The following UTP20 variants were observed in gnomAD, a reference collection of about 807,000 sequenced individuals.
UTP20 encodes the protein UTP20 small subunit processome component.
UTP20 carries 164 observed loss-of-function variants against 329.5 expected under a neutral mutation model. The observed-to-expected ratio is 0.50, with a 90% CI of 0.44 to 0.57. UTP20 has a LOEUF of 0.57. UTP20 is among the 20% of genes least tolerant of loss of function. UTP20 has a pLI of 0.00. For synonymous variants in UTP20, 1,151 were observed against 1,159.3 expected, an observed-to-expected ratio of 0.99 and a Z score of 0.14; for missense variants, 3,055 against 3,284.2, an observed-to-expected ratio of 0.93 and a Z score of 1.71.
chr12:101,307,350 C>T (rs11110744), intron 17 of UTP20, among the ~76,000 whole-genome samples: 19,381 of 150,832 alleles, frequency 0.13, 2,743 homozygotes, highest in East Asian at 0.47. Flanking sequence ...GGGGTTTTTC[C>T]ATATGATTAC....
intron 6 of UTP20, among the ~76,000 whole-genome samples, chr12:101,289,750 A>G (rs1033350301): frequency 2.0e-5 from 3 of 152,222 alleles, no homozygotes; most frequent in African/African-American, 7.2e-5. Context: ...TTGTGTTTGT[A>G]TAAAATATTC....
At chr12:101,285,715 TAGAAA>T in intron 3 of UTP20, 29 bp from the exon 4 acceptor site, 1 of 1,613,186 alleles carries the variant, frequency 6.2e-7, no homozygotes, top group Admixed American at 1.7e-5. Context: ...AGTGGTGTGA[TAGAAA>T]AGAACATATT....
intron 43 of UTP20, among the ~76,000 whole-genome samples, chr12:101,359,417 G>C (rs1356586526): frequency 6.6e-6 from 1 of 151,312 alleles, no homozygotes; most frequent in Non-Finnish European, 1.5e-5. Context: ...TCCTCTCCTG[G>C]GACTCCAGTG....
chr12:101,307,015 C>T (rs1200788138), intron 17 of UTP20, among the ~76,000 whole-genome samples: 2 of 151,554 alleles, frequency 1.3e-5, no homozygotes, highest in Admixed American at 1.3e-4. Context: ...CTACCAAAAA[C>T]ACAAAAAAAG....
chr12:101,315,105 A>C (rs548821067), intron 21 of UTP20, among the ~76,000 whole-genome samples: 64 of 152,108 alleles, frequency 4.2e-4, no homozygotes, highest in African/African-American at 1.4e-3. Flanking sequence ...CTCTGCTCCC[A>C]AAAAAAGACT....
intron 2 of UTP20, among the ~76,000 whole-genome samples, chr12:101,281,418 G>A (rs181697510): frequency 1.4e-4 from 21 of 152,284 alleles, no homozygotes; most frequent in Admixed American, 1.0e-3. Flanking sequence ...AATAAATATA[G>A]AATTGGAACA....
intron 29 of UTP20, 81 bp from the exon 30 acceptor site, chr12:101,337,970 A>T (rs1868985220): frequency 1.6e-6 from 2 of 1,253,562 alleles, no homozygotes; most frequent in Non-Finnish European, 2.3e-6. Flanking sequence ...TGTTAAACTC[A>T]TGGTGAAAAT....
rs1181835553 is a variant in UTP20 at position 101,338,137 on chromosome 12, A to G, written c.3728A>G (p.Asn1243Ser). 2 of 1,614,202 alleles carry G rather than the reference A, an allele frequency of 1.2e-6. No homozygotes were observed. Among genetic ancestry groups the G allele is most frequent in the Non-Finnish European group, 8.5e-7 (1 of 1,180,024 alleles). Residue 1243 changes from asparagine to serine, a missense_variant, in exon 30 of 62, where the codon AAT becomes AGT. By Grantham distance (46) the Asn-to-Ser change is conservative (BLOSUM62 1). Around this residue, in one of 3 missense-constraint regions of UTP20, gnomAD observed 2,445 missense variants for 2,575.5 expected, o/e 0.95. Transcript: ENST00000261637. The stretch of plus-strand genomic sequence containing the variant: ...GTTTTTGCAATTCTCTCAGCGAAGA[A>G]TCTTTCTGATGCCACAGCCAGTATT... ...TNVFAILSAKNLSDATASIVM... is the reference protein window; with the variant it reads ...TNVFAILSAKSLSDATASIVM...
chr12:101,359,501 G>GTATATATATA (rs113405115), intron 43 of UTP20, among the ~76,000 whole-genome samples: 96 of 147,794 alleles, frequency 6.5e-4, no homozygotes, highest in African/African-American at 2.3e-3. Context: ...ATGTGTGTGT[G>GTATATATATA]TATATATATA....
intron 27 of UTP20, 21 bp from the exon 28 acceptor site, chr12:101,333,280 C>G (rs373685992): frequency 1.2e-6 from 2 of 1,607,342 alleles, no homozygotes; most frequent in African/African-American, 2.7e-5. Flanking sequence ...ATTTTTTGAA[C>G]AGAAGATCTT....
rs767666447 is a variant in UTP20, at chr12:101,365,537, GTAAATCA to G, written c.6038_6044del (p.Val2013GlyfsTer3). 1.2e-6 allele frequency: 2 copies of G among 1,613,070 alleles called. No individual in the cohort carries two copies. The highest frequency in any genetic ancestry group is 1.7e-6 in the Non-Finnish European group (2 of 1,179,684). ...ACGCCGAATCACAGTGGGATTAATT[GTAAATCA>G]GGAAATGACAGCTGAATCCATTCTA... On this transcript the variant is annotated frameshift_variant, in exon 46 of 62. Coordinates refer to ENST00000261637, the MANE Select transcript of UTP20 (RefSeq NM_014503.3). LOFTEE classifies it high-confidence loss of function.
chr12:101,367,058 T>C (rs929905976), intron 47 of UTP20, among the ~76,000 whole-genome samples: 3 of 151,950 alleles, frequency 2.0e-5, no homozygotes, highest in Non-Finnish European at 4.4e-5. Flanking sequence ...GGCAGGAGGA[T>C]CACTTGAGGA....
intron 21 of UTP20, among the ~76,000 whole-genome samples, chr12:101,315,554 G>T (rs1261145845): frequency 6.6e-6 from 1 of 152,030 alleles, no homozygotes; most frequent in Non-Finnish European, 1.5e-5. Context: ...AAATTCAAAG[G>T]TTTGCATGGA....
rs1290175908 is a variant in UTP20, at chr12:101,362,847, G to A, written c.5791-729G>A. Among the ~76,000 whole-genome samples the A allele has an allele frequency of 3.8e-5, 5 of 130,626 alleles. 1 individual carries two copies. The highest frequency in any genetic ancestry group is 8.1e-5 in the African/African-American group (2 of 24,718). The allele number at this position is 130,626 out of a possible 152,430, so 85.7% of individuals were successfully genotyped here. ...TTTGAATCTCAATTTAAATATTTAC[G>A]TTAGGCCAGGCACAATGGCTCACAC... is the stretch of plus-strand genomic sequence containing the variant. On this transcript the variant is annotated intron_variant, in intron 44 of 61. Coordinates refer to ENST00000261637, the MANE Select transcript of UTP20 (RefSeq NM_014503.3).
intron 20 of UTP20, 80 bp from the exon 21 acceptor site, chr12:101,311,956 A>G (rs1328064076): frequency 1.9e-5 from 30 of 1,589,062 alleles, no homozygotes; most frequent in African/African-American, 2.7e-5. Context: ...TTATAGAGAA[A>G]GAAATGCCCT....
chr12:101,296,255 G>T (rs896599982), intron 12 of UTP20, among the ~76,000 whole-genome samples: 1 of 152,172 alleles, frequency 6.6e-6, no homozygotes, highest in African/African-American at 2.4e-5. Context: ...TCACCACGAG[G>T]ATTCCTCATG....
intron 11 of UTP20, among the ~76,000 whole-genome samples, chr12:101,294,873 G>A (rs767182382): frequency 5.9e-5 from 9 of 152,092 alleles, no homozygotes; most frequent in Admixed American, 1.3e-4. Context: ...TAATTGCCTC[G>A]TTCTTTAAAA....
intron 43 of UTP20, 54 bp downstream of exon 43, chr12:101,357,136 CA>C (rs1220731686): frequency 3.3e-6 from 5 of 1,509,072 alleles, no homozygotes; most frequent in Non-Finnish European, 4.5e-6. Context: ...AAAATATTTG[CA>C]GCTTGAACAC....
At chr12:101,361,185 C>T (rs1164288581) in intron 43 of UTP20, among the ~76,000 whole-genome samples, 2 of 152,084 alleles carry the variant, frequency 1.3e-5, no homozygotes, top group Non-Finnish European at 2.9e-5. Flanking sequence ...TAGTACCTAC[C>T]CTGTAGTAAG....
Sources: gnomAD v4.1 joint callset for allele counts (sites outside exome capture counted in the v4.1 genomes callset) on GRCh38, gnomAD v4.1.1 for gene constraint, gnomAD v4.1.1 regional missense constraint, MANE v1.5 for transcripts, NCBI Gene and HGNC (gene_info 2026-07-23, HGNC 2026-07-21) for gene names.